MYH14: variants seen among roughly 807,000 people sequenced by gnomAD.
MYH14 encodes the protein myosin-14.
A neutral mutation model predicts 255.5 loss-of-function variants in MYH14; 123 were observed. The ratio of observed to expected loss-of-function variants is 0.48; its 90% CI spans 0.42 to 0.56. The LOEUF (loss-of-function observed/expected upper bound fraction) is 0.56. Among genes scored for constraint, MYH14 ranks in the 20% least tolerant of loss-of-function variants. The probability of loss-of-function intolerance (pLI) is 0.00; values close to 1 mark genes in which losing one functional copy is unlikely to be tolerated. For synonymous variants in MYH14, 1,095 were observed against 1,161.2 expected, an observed-to-expected ratio of 0.94 and a Z score of 1.16; for missense variants, 2,423 against 2,802.3, an observed-to-expected ratio of 0.86 and a Z score of 3.06.
At chr19:50,228,920 C>T (rs1000088203) in intron 8 of MYH14, among the ~76,000 whole-genome samples, 37 of 152,190 alleles carry the variant, frequency 2.4e-4, no homozygotes, top group African/African-American at 8.9e-4. Flanking sequence ...AGGAGCACCA[C>T]CCTGTGTGGC....
chr19:50,297,592 G>A lies in MYH14; in HGVS notation c.5469+3905G>A, dbSNP rs541463613. Among the ~76,000 whole-genome samples, 13 of 139,040 alleles carry A rather than the reference G, an allele frequency of 9.3e-5. No individual in the cohort carries two copies. The South Asian group carries it at 3.2e-3, about 34-fold the overall frequency. The allele number at this position is 139,040 out of a possible 152,430, so 91.2% of individuals were successfully genotyped here. A position where few individuals can be genotyped will look rare whatever the true frequency, so the allele number is the denominator to read the frequency against. ...AGCTCACTGCAACCTTCACCTCCCG[G>A]GTTCAAGCGATTCTCCTGCCTCAAC... On this transcript the variant is annotated intron_variant, in intron 39 of 42. Coordinates refer to ENST00000642316, the MANE Select transcript of MYH14 (RefSeq NM_001145809.2).
chr19:50,216,125 T>C (rs980312956), intron 2 of MYH14, among the ~76,000 whole-genome samples: 1 of 152,226 alleles, frequency 6.6e-6, no homozygotes, highest in East Asian at 1.9e-4. Flanking sequence ...CTGTGAGTGT[T>C]GAGCCCCTCT....
intron 21 of MYH14, 148 bp from the exon 22 acceptor site, chr19:50,263,164 A>T: frequency 1.9e-6 from 1 of 520,160 alleles, no homozygotes; most frequent in Non-Finnish European, 3.2e-6. Context: ...ATGCCATTGC[A>T]CTCCAGCCTA....
chr19:50,275,846 G>A, intron 27 of MYH14, 145 bp from the exon 28 acceptor site: 3 of 646,400 alleles, frequency 4.6e-6, no homozygotes, highest in East Asian at 2.8e-5. Flanking sequence ...AATTAGTACT[G>A]CAGCCAAGTG....
chr19:50,217,838 C>A, intron 3 of MYH14, 67 bp downstream of exon 3: 1 of 1,568,194 alleles, frequency 6.4e-7, no homozygotes, highest in Non-Finnish European at 8.6e-7. Flanking sequence ...CTGGGGCTGC[C>A]GGAAGCCAGA....
chr19:50,205,381 C>G (rs2031677582), intron 1 of MYH14: 1 of 152,946 alleles, frequency 6.5e-6, no homozygotes, highest in African/African-American at 2.4e-5. Flanking sequence ...CCCTGAAGCT[C>G]CAGGCCCGCC....
At chr19:50,260,824 TGTGTGTGCATGCAC>T (rs1042398473) in intron 20 of MYH14, 109 bp downstream of exon 20, 5 of 794,412 alleles carry the variant, frequency 6.3e-6, no homozygotes, top group Non-Finnish European at 1.1e-5. Context: ...TGTGTGCAAG[TGTGTGTGCATGCAC>T]GTGTGTGCGT....
At chr19:50,249,299 G>T (rs891355561) in intron 13 of MYH14, 160 bp downstream of exon 13, 13 of 867,082 alleles carry the variant, frequency 1.5e-5, no homozygotes, top group Middle Eastern at 2.8e-4. Context: ...CTCTCTCTGG[G>T]TCTCTGTCCC....
chr19:50,285,996 T>A (rs2033727365), intron 33 of MYH14: 1 of 152,752 alleles, frequency 6.5e-6, no homozygotes, highest in African/African-American at 2.4e-5. Context: ...TCACCCATTG[T>A]ATCTGTCTCG....
intron 35 of MYH14, 96 bp downstream of exon 35, chr19:50,289,744 C>A: frequency 1.8e-6 from 2 of 1,110,014 alleles, no homozygotes; most frequent in Non-Finnish European, 2.6e-6. Context: ...TCTCCCCGAC[C>A]CACCCACCAC....
intron 10 of MYH14, among the ~76,000 whole-genome samples, chr19:50,240,542 A>G (rs1277410238): frequency 6.6e-6 from 1 of 152,132 alleles, no homozygotes; most frequent in Non-Finnish European, 1.5e-5. Context: ...ATCACACCAC[A>G]CCACTGCACT....
At chr19:50,308,615 T>G (rs10426758) in intron 41 of MYH14, 2,538 of 191,070 alleles carry the variant, frequency 0.013, 56 homozygotes, top group African/African-American at 0.053. Flanking sequence ...TCAGTGAAGT[T>G]GGTCTGGACA....
intron 6 of MYH14, 104 bp from the exon 7 acceptor site, chr19:50,225,481 C>A: frequency 1.2e-6 from 1 of 827,904 alleles, no homozygotes; most frequent in Non-Finnish European, 2.0e-6. Context: ...AAAGGCCCCT[C>A]ACACACAGAT....
intron 40 of MYH14, among the ~76,000 whole-genome samples, chr19:50,303,550 G>A (rs2036562752): frequency 6.6e-6 from 1 of 152,202 alleles, no homozygotes; most frequent in Non-Finnish European, 1.5e-5. Flanking sequence ...AGATATGACT[G>A]TTTGATAGGA....
At chr19:50,303,941 C>T (rs892175111) in intron 40 of MYH14, among the ~76,000 whole-genome samples, 1 of 152,168 alleles carries the variant, frequency 6.6e-6, no homozygotes, top group Admixed American at 6.5e-5. Context: ...ATTACTAAGC[C>T]TAATACCTTT....
intron 10 of MYH14, among the ~76,000 whole-genome samples, chr19:50,239,468 A>C (rs1484873363): frequency 6.6e-6 from 1 of 152,204 alleles, no homozygotes; most frequent in Non-Finnish European, 1.5e-5. Context: ...GTTTCCCTGC[A>C]ATTACATTCT....
Position 50,231,915 on chromosome 19 carries a change from T to G in MYH14, c.974-15T>G. 8 of 1,613,646 alleles carry G rather than the reference T, an allele frequency of 5.0e-6. No homozygotes were observed. The highest frequency in any genetic ancestry group is 6.8e-6 in the Non-Finnish European group (8 of 1,179,782). On this transcript the variant is annotated splice_polypyrimidine_tract_variant and intron_variant, in intron 9 of 42. Coordinates refer to ENST00000642316, the MANE Select transcript of MYH14 (RefSeq NM_001145809.2). ...AGCCCACCTTTGACCTTGACCCCAC[T>G]CATTGTCCCTGCAGCCGACCTCCTC...
intron 12 of MYH14, among the ~76,000 whole-genome samples, chr19:50,248,386 G>A (rs1484119879): frequency 1.3e-5 from 2 of 152,144 alleles, no homozygotes; most frequent in African/African-American, 2.4e-5. Flanking sequence ...CTTGGCAATC[G>A]TGGGAGCTCA....
chr19:50,249,157 G>A lies in MYH14; in HGVS notation c.1482+18G>A, dbSNP rs561416933. 323 of 1,555,646 alleles carry A rather than the reference G, an allele frequency of 2.1e-4. 4 individuals carry two copies. In the South Asian group the frequency reaches 2.6e-3, roughly 12 times the overall value. On this transcript the variant is annotated intron_variant, in intron 13 of 42. Coordinates refer to ENST00000642316, the MANE Select transcript of MYH14 (RefSeq NM_001145809.2). ...TCTTCCAGGTCCACCCTTGTGCTGG[G>A]AGGGGGATGCCAACTTCCTCACTCC...
Sources: gnomAD v4.1 joint callset for allele counts (sites outside exome capture counted in the v4.1 genomes callset) on GRCh38, gnomAD v4.1.1 for gene constraint, MANE v1.5 for transcripts, NCBI Gene and HGNC (gene_info 2026-07-23, HGNC 2026-07-21) for gene names.